The following RGS6 variants were observed in gnomAD, a reference collection of about 807,000 sequenced individuals.
RGS6 encodes the protein regulator of G-protein signaling 6.
RGS6 carries 30 observed loss-of-function variants against 78.5 expected under a neutral mutation model. The ratio of observed to expected loss-of-function variants is 0.38; its 90% CI spans 0.29 to 0.52. The LOEUF (loss-of-function observed/expected upper bound fraction) is 0.52, where lower values mean the gene tolerates loss of function less well. Ranked by LOEUF, RGS6 falls within the 20% of genes least tolerant of loss-of-function variation. The pLI, the probability that RGS6 is intolerant of heterozygous loss-of-function variation, is 0.85. For missense variants in RGS6, 495 were observed against 609.7 expected, an observed-to-expected ratio of 0.81 and a Z score of 1.98; for synonymous variants, 206 against 206.0, an observed-to-expected ratio of 1.00 and a Z score of 0.00.
chr14:71,882,466 A>G, the RGS6 span, among the ~76,000 whole-genome samples: 1 of 152,182 alleles, frequency 6.6e-6, no homozygotes, highest in Non-Finnish European at 1.5e-5. Context: ...AAGCACTTTT[A>G]AAATATGTGG....
chr14:72,021,421 G>A (rs1198705180), intron 2 of RGS6, among the ~76,000 whole-genome samples: 6 of 150,708 alleles, frequency 4.0e-5, no homozygotes. Context: ...ACAACTTGCT[G>A]ATGCTATTAC....
chr14:71,953,328 A>G (rs185857201), intron 1 of RGS6, among the ~76,000 whole-genome samples: 204 of 152,322 alleles, frequency 1.3e-3, no homozygotes, highest in Middle Eastern at 6.8e-3. Flanking sequence ...TGGGCCATAC[A>G]GTCCCTGTTA....
chr14:71,873,721 C>T, the RGS6 span, among the ~76,000 whole-genome samples: 1 of 152,162 alleles, frequency 6.6e-6, no homozygotes, highest in African/African-American at 2.4e-5. Flanking sequence ...TTGCCCATGC[C>T]TATGTCCTGA....
the RGS6 span, among the ~76,000 whole-genome samples, chr14:72,622,731 A>G: frequency 6.6e-6 from 1 of 151,912 alleles, no homozygotes. Context: ...CTCACTACCA[A>G]CTATCCAGGA....
rs1271766855 is a variant in RGS6 at position 72,454,623 on chromosome 14, A to G, written c.235+45A>G. The G allele has an allele frequency of 1.8e-5, 28 of 1,533,592 alleles. No homozygotes were observed. The East Asian group carries it at 5.9e-4, about 32-fold the overall frequency. The allele number at this position is 1,533,592 out of a possible 1,614,324, so 95.0% of individuals were successfully genotyped here. A position where few individuals can be genotyped will look rare whatever the true frequency, so the allele number is the denominator to read the frequency against. ...ACCCTTATCTCCCCTGGTATCAGTA[A>G]ACATCCCATAACCAAGTTCCAAACT... On this transcript the variant is annotated intron_variant, in intron 4 of 17. Coordinates refer to ENST00000553525, the MANE Select transcript of RGS6 (RefSeq NM_001204424.2).
chr14:71,982,149 G>T (rs547009853), intron 2 of RGS6, among the ~76,000 whole-genome samples: 1 of 152,158 alleles, frequency 6.6e-6, no homozygotes, highest in Non-Finnish European at 1.5e-5. Context: ...TTCGGCTGGC[G>T]CATGGTGCGT....
At position 72,000,188 on chromosome 14, in the gene RGS6, A is replaced by G. The variant is rs565627451; in HGVS notation, c.84+35313A>G. 2.0e-3 allele frequency among the ~76,000 whole-genome samples: 312 copies of G among 152,344 alleles called. 1 individual carries two copies. Among genetic ancestry groups the G allele is most frequent in the African/African-American group, 7.2e-3 (301 of 41,590 alleles). On this transcript the variant is annotated intron_variant, in intron 2 of 17. Coordinates refer to ENST00000553525, the MANE Select transcript of RGS6 (RefSeq NM_001204424.2). ...TACAGAATTTTGTGTAAGTCAGAAG[A>G]TACAGCCAGCAAGAATTCGCTCAGG... is the stretch of plus-strand genomic sequence containing the variant.
intron 1 of RGS6, among the ~76,000 whole-genome samples, chr14:71,958,021 A>G (rs1321346308): frequency 5.6e-5 from 4 of 71,286 alleles, no homozygotes; most frequent in Non-Finnish European, 9.8e-5. Context: ...TCATGCATGC[A>G]TATATATATA....
At chr14:72,451,441 A>C (rs1043858351) in intron 3 of RGS6, among the ~76,000 whole-genome samples, 1 of 152,240 alleles carries the variant, frequency 6.6e-6, no homozygotes, top group African/African-American at 2.4e-5. Flanking sequence ...GGCTGAGCAC[A>C]GGAAGCCAAA....
At chr14:72,276,007 T>A (rs574961311) in intron 2 of RGS6, among the ~76,000 whole-genome samples, 34 of 152,232 alleles carry the variant, frequency 2.2e-4, no homozygotes, top group African/African-American at 7.9e-4. Flanking sequence ...CAGGGCAGAA[T>A]TGGGGGAAGG....
chr14:72,282,475 G>A (rs949118329), intron 2 of RGS6, among the ~76,000 whole-genome samples: 4 of 152,180 alleles, frequency 2.6e-5, no homozygotes, highest in African/African-American at 7.2e-5. Flanking sequence ...CAGAGGGGTT[G>A]GAAGACAAGA....
chr14:72,415,606 C>T (rs146004749), intron 3 of RGS6, among the ~76,000 whole-genome samples: 1 of 152,228 alleles, frequency 6.6e-6, no homozygotes, highest in Admixed American at 6.5e-5. Flanking sequence ...TGGAAATGCA[C>T]AAATCACCCA....
chr14:72,413,897 C>T (rs549783225), intron 3 of RGS6, among the ~76,000 whole-genome samples: 7 of 152,290 alleles, frequency 4.6e-5, no homozygotes, highest in African/African-American at 1.4e-4. Flanking sequence ...AATATTGGTC[C>T]CCACTCTCTT....
rs192252500 is a variant in RGS6 at position 72,306,364 on chromosome 14, C to A, written c.85-45731C>A. On this transcript the variant is annotated intron_variant, in intron 2 of 17. Coordinates refer to ENST00000553525, the MANE Select transcript of RGS6 (RefSeq NM_001204424.2). ...GTTTTCATGCCTGCTAACACAATAT[C>A]CATTCTATAGCCCTGGAGCAAAGAG... Among the ~76,000 whole-genome samples, 35 of 152,276 alleles carry A rather than the reference C, an allele frequency of 2.3e-4. 1 individual carries two copies. In the East Asian group the frequency reaches 6.8e-3, roughly 29 times the overall value.
chr14:72,465,662 GTGAA>G, intron 6 of RGS6, 92 bp from the exon 7 acceptor site: 1 of 443,042 alleles, frequency 2.3e-6, no homozygotes, highest in Non-Finnish European at 4.0e-6. Context: ...GGATGGATGG[GTGAA>G]TGGGTGAATG....
At chr14:72,454,983 C>T (rs1300467565) in intron 4 of RGS6, among the ~76,000 whole-genome samples, 1 of 152,216 alleles carries the variant, frequency 6.6e-6, no homozygotes, top group African/African-American at 2.4e-5. Context: ...TTTTCTGCTT[C>T]TGCAAGAAGT....
chr14:72,320,134 CAG>C (rs1327267803), intron 2 of RGS6, among the ~76,000 whole-genome samples: 2 of 152,268 alleles, frequency 1.3e-5, no homozygotes, highest in South Asian at 2.1e-4. Context: ...TCCAAGATTG[CAG>C]AGAGTAATGC....
At chr14:72,301,834 A>G (rs1186080002) in intron 2 of RGS6, among the ~76,000 whole-genome samples, 3 of 152,082 alleles carry the variant, frequency 2.0e-5, no homozygotes, top group Non-Finnish European at 2.9e-5. Context: ...GTCCACTCAC[A>G]CTGGATTAGG....
chr14:71,907,450 A>G, the RGS6 span, among the ~76,000 whole-genome samples: 1 of 152,146 alleles, frequency 6.6e-6, no homozygotes, highest in Non-Finnish European at 1.5e-5. Flanking sequence ...TGTAAGGACC[A>G]TGGGTTGGAG....
Sources: gnomAD v4.1 joint callset for allele counts (sites outside exome capture counted in the v4.1 genomes callset) on GRCh38, gnomAD v4.1.1 for gene constraint, MANE v1.5 for transcripts, NCBI Gene and HGNC (gene_info 2026-07-23, HGNC 2026-07-21) for gene names.